Variants in PCDHGA1 observed in about 807,000 individuals in gnomAD.
PCDHGA1 encodes protocadherin gamma subfamily A, 1, also known as protocadherin gamma-A1.
A neutral mutation model predicts 58.0 loss-of-function variants in PCDHGA1; 32 were observed. The ratio of observed to expected loss-of-function variants is 0.55; its 90% CI spans 0.42 to 0.74. The LOEUF is 0.74. Ranked by LOEUF, PCDHGA1 falls within the 30% of genes least tolerant of loss-of-function variation. The pLI, the probability that PCDHGA1 is intolerant of heterozygous loss-of-function variation, is 0.00. For missense variants in PCDHGA1, 1,205 were observed against 1,182.3 expected (o/e 1.02, Z -0.28); for synonymous variants, 498 against 501.1 (o/e 0.99, Z 0.08).
intron 1 of PCDHGA1, chr5:141,421,791 TG>T (rs1561796446): frequency 6.2e-7 from 1 of 1,613,792 alleles, no homozygotes; most frequent in Non-Finnish European, 8.5e-7. Flanking sequence ...GCAGAACGGA[TG>T]GGGCCAAGAA....
intron 1 of PCDHGA1, chr5:141,371,193 A>G: frequency 1.2e-6 from 2 of 1,614,034 alleles, no homozygotes; most frequent in Non-Finnish European, 8.5e-7. Context: ...AGTGATGGCC[A>G]TTGACATGGA....
chr5:141,430,952 C>G, intron 1 of PCDHGA1: 2 of 1,610,382 alleles, frequency 1.2e-6, no homozygotes, highest in African/African-American at 2.7e-5. Flanking sequence ...GCGCGGAGTC[C>G]GCATCATCCC....
chr5:141,405,339 A>T (rs980651625), intron 1 of PCDHGA1: 12 of 1,614,060 alleles, frequency 7.4e-6, no homozygotes, highest in Non-Finnish European at 1.0e-5. Context: ...GTCTCTGTTG[A>T]TTCCAAGTTT....
At chr5:141,394,937 C>A in intron 1 of PCDHGA1, 1 of 1,613,806 alleles carries the variant, frequency 6.2e-7, no homozygotes, top group Non-Finnish European at 8.5e-7. Context: ...TCGCCTTTGT[C>A]GCTGTGCTTC....
At chr5:141,340,507 A>C (rs1346487155) in intron 1 of PCDHGA1, 1 of 1,614,224 alleles carries the variant, frequency 6.2e-7, no homozygotes, top group Non-Finnish European at 8.5e-7. Context: ...CCGACACTGG[A>C]GTACTCTATG....
At chr5:141,356,570 A>T in intron 1 of PCDHGA1, 1 of 1,613,864 alleles carries the variant, frequency 6.2e-7, no homozygotes, top group Non-Finnish European at 8.5e-7. Flanking sequence ...CATGCTTCCT[A>T]CTCTGCTTAC....
At chr5:141,418,621 C>G (rs765634746) in intron 1 of PCDHGA1, 2 of 1,613,916 alleles carry the variant, frequency 1.2e-6, no homozygotes, top group Non-Finnish European at 1.7e-6. Flanking sequence ...TTCGGGAAGA[C>G]GTGCCTCCAG....
At chr5:141,375,602 A>G (rs1237264318) in intron 1 of PCDHGA1, 5 of 1,614,120 alleles carry the variant, frequency 3.1e-6, no homozygotes, top group African/African-American at 1.3e-5. Flanking sequence ...CTACGTGTCC[A>G]TCAACTCCGA....
At chr5:141,452,966 G>T (rs996204633) in intron 1 of PCDHGA1, among the ~76,000 whole-genome samples, 6 of 152,098 alleles carry the variant, frequency 3.9e-5, no homozygotes, top group Admixed American at 1.3e-4. Context: ...TAAACTGAGG[G>T]TATATTGTCA....
intron 1 of PCDHGA1, chr5:141,357,555 T>C (rs1760655729): frequency 1.2e-5 from 20 of 1,614,086 alleles, no homozygotes; most frequent in Non-Finnish European, 1.7e-5. Flanking sequence ...GGGAGAGTTG[T>C]GAGAAAAGCG....
intron 1 of PCDHGA1, chr5:141,370,409 C>CG (rs775733785): frequency 1.3e-6 from 2 of 1,561,734 alleles, no homozygotes; most frequent in Non-Finnish European, 1.7e-6. Context: ...GAAATAGCTC[C>CG]GGATGGAGGG....
In PCDHGA1 at chr5:141,375,349, GAC is replaced by G; in HGVS notation, c.2421+42246_2421+42247del. On this transcript the variant is annotated intron_variant, in intron 1 of 3. Transcript: ENST00000517417. ...AGGTATTCTTGTACAACATCACTGT[GAC>G]AGCCACGGACAAAGGAACACCACCT... 5 of 1,613,848 alleles carry G rather than the reference GAC, an allele frequency of 3.1e-6. No individual in the cohort carries two copies. In the South Asian group the frequency reaches 4.4e-5, roughly 14 times the overall value.
chr5:141,374,731 T>C (rs922018990), intron 1 of PCDHGA1: 7 of 1,610,566 alleles, frequency 4.3e-6, no homozygotes, highest in Non-Finnish European at 4.2e-6. Flanking sequence ...CTGCCATGGA[T>C]GGCGGCGACC....
intron 1 of PCDHGA1, chr5:141,440,359 G>T (rs932656332): frequency 5.3e-5 from 8 of 152,106 alleles, no homozygotes; most frequent in Non-Finnish European, 1.2e-4. Context: ...CTAGCTACTC[G>T]GGGGGCCGAG....
intron 1 of PCDHGA1, chr5:141,424,285 T>A (rs573116321): frequency 6.5e-6 from 1 of 152,894 alleles, no homozygotes; most frequent in South Asian, 2.1e-4. Context: ...CTTTGTCTCA[T>A]TTCTTCATCC....
At chr5:141,497,077 G>A (rs191605427) in intron 2 of PCDHGA1, among the ~76,000 whole-genome samples, 4 of 151,990 alleles carry the variant, frequency 2.6e-5, no homozygotes, top group East Asian at 3.9e-4. Flanking sequence ...TAATCCCAGC[G>A]ACTTAGGAGG....
chr5:141,495,752 C>G (rs1310125902), intron 2 of PCDHGA1, among the ~76,000 whole-genome samples: 1 of 152,150 alleles, frequency 6.6e-6, no homozygotes, highest in Non-Finnish European at 1.5e-5. Flanking sequence ...TTCTCTATCT[C>G]TGCCTCCCTG....
At chr5:141,419,773 C>G (rs2096431068) in intron 1 of PCDHGA1, 1 of 1,613,916 alleles carries the variant, frequency 6.2e-7, no homozygotes, top group Non-Finnish European at 8.5e-7. Context: ...AGGACTCGGT[C>G]CGCCAGCGCC....
intron 1 of PCDHGA1, chr5:141,339,924 A>C (rs1756890138): frequency 2.5e-6 from 4 of 1,614,148 alleles, no homozygotes; most frequent in Non-Finnish European, 3.4e-6. Flanking sequence ...CATGAAATTG[A>C]TATTGAAGCT....
Sources: allele counts gnomAD v4.1 joint callset (sites outside exome capture counted in the v4.1 genomes callset), GRCh38; gene constraint gnomAD v4.1.1; transcripts MANE v1.5; gene names NCBI Gene and HGNC (gene_info 2026-07-23, HGNC 2026-07-21).